The following SSUH2 variants were observed in gnomAD, a reference collection of about 807,000 sequenced individuals.
The protein encoded by SSUH2 is ssu-2 homolog.
In SSUH2, 47 loss-of-function variants were observed where a neutral mutation model predicts 55.3. The observed-to-expected ratio is 0.85, with a 90% confidence interval of 0.67 to 1.08. The LOEUF is 1.08. SSUH2 is among the 50% of genes least tolerant of loss of function. The pLI, the probability that SSUH2 is intolerant of heterozygous loss-of-function variation, is 0.00. For missense variants in SSUH2, 535 were observed against 490.7 expected, an observed-to-expected ratio of 1.09 and a Z score of -0.85; for synonymous variants, 212 against 191.5, an observed-to-expected ratio of 1.11 and a Z score of -0.89.
chr3:8,654,342 A>G (rs1314113335), intron 7 of SSUH2, among the ~76,000 whole-genome samples: 1 of 152,238 alleles, frequency 6.6e-6, no homozygotes, highest in Non-Finnish European at 1.5e-5. Context: ...ATTTTCAACA[A>G]AAGAATCTGG....
At chr3:8,663,675 AATTG>A (rs1378243389) in intron 6 of SSUH2, 6 of 381,888 alleles carry the variant, frequency 1.6e-5, no homozygotes, top group African/African-American at 4.2e-5. Context: ...GGAATGTGTT[AATTG>A]ATTAACTAAC....
chr3:8,626,100 C>G (rs1407247681), intron 9 of SSUH2, 129 bp downstream of exon 9: 22 of 738,202 alleles, frequency 3.0e-5, no homozygotes, highest in Non-Finnish European at 5.3e-5. Flanking sequence ...AATTCTCCCC[C>G]TTCTAAGTCC....
intron 7 of SSUH2, among the ~76,000 whole-genome samples, chr3:8,650,794 A>G (rs568565787): frequency 1.4e-3 from 212 of 152,210 alleles, no homozygotes; most frequent in Middle Eastern, 0.014. Context: ...CGTGGCCTTG[A>G]CTCTGGAAGA....
intron 8 of SSUH2, 42 bp downstream of exon 8, chr3:8,627,656 A>C: frequency 6.8e-7 from 1 of 1,467,982 alleles, no homozygotes; most frequent in Non-Finnish European, 9.1e-7. Flanking sequence ...AAAAGCCAGA[A>C]AGCAAGAGCA....
At chr3:8,626,107 G>C (rs1697469780) in intron 9 of SSUH2, 122 bp downstream of exon 9, 7 of 758,200 alleles carry the variant, frequency 9.2e-6, no homozygotes, top group Non-Finnish European at 1.4e-5. Context: ...CCCCTTCTAA[G>C]TCCTGGCAGG....
At chr3:8,652,573 T>G (rs545873472) in intron 7 of SSUH2, among the ~76,000 whole-genome samples, 111 of 152,306 alleles carry the variant, frequency 7.3e-4, no homozygotes, top group African/African-American at 2.6e-3. Context: ...TGATTAAGTG[T>G]CTTGCTTCAA....
At chr3:8,638,741 G>A (rs922025662) in intron 1 of SSUH2, among the ~76,000 whole-genome samples, 2 of 152,166 alleles carry the variant, frequency 1.3e-5, no homozygotes, top group Non-Finnish European at 2.9e-5. Flanking sequence ...AGAAGGGTGG[G>A]TCTTCCCCTT....
At chr3:8,647,146 G>C (rs1265387947), upstream of SSUH2, among the ~76,000 whole-genome samples, 2 of 152,202 alleles carry the variant, frequency 1.3e-5, no homozygotes, top group Non-Finnish European at 1.5e-5. Context: ...CACGTGGTCA[G>C]ACTGCAATTG....
chr3:8,670,541 G>T (rs164954), intron 5 of SSUH2, among the ~76,000 whole-genome samples: 1 of 151,632 alleles, frequency 6.6e-6, no homozygotes, highest in Admixed American at 6.6e-5. Flanking sequence ...CGTTGAATAC[G>T]TATGTCATAC....
intron 2 of SSUH2, among the ~76,000 whole-genome samples, chr3:8,678,322 G>C (rs538009195): frequency 6.6e-6 from 1 of 152,014 alleles, no homozygotes; most frequent in African/African-American, 2.4e-5. Context: ...TGTACACCTC[G>C]TGCTCTATTA....
intron 2 of SSUH2, among the ~76,000 whole-genome samples, chr3:8,678,479 C>A (rs1463869476): frequency 6.7e-6 from 1 of 148,734 alleles, no homozygotes; most frequent in Non-Finnish European, 1.5e-5. Context: ...TCTTAGGACC[C>A]CCATTGCAAG....
At chr3:8,671,904 C>G (rs1476922811) in exon 4 of SSUH2, 2 of 146,980 alleles carry the variant, frequency 1.4e-5, no homozygotes, top group Non-Finnish European at 2.9e-5. Context: ...CTGGATATTA[C>G]AATCCACGGT....
chr3:8,648,732 G>A (rs1702027793), upstream of SSUH2, among the ~76,000 whole-genome samples: 1 of 152,118 alleles, frequency 6.6e-6, no homozygotes, highest in Non-Finnish European at 1.5e-5. Context: ...CCTCTTGGAA[G>A]GCTCCCAAAA....
intron 5 of SSUH2, among the ~76,000 whole-genome samples, chr3:8,666,687 G>A (rs377267843): frequency 6.6e-6 from 1 of 152,194 alleles, no homozygotes; most frequent in Non-Finnish European, 1.5e-5. Flanking sequence ...CTAGCTGGAT[G>A]TCCTCCAATT....
chr3:8,639,551 G>A (rs1453261057), intron 1 of SSUH2, among the ~76,000 whole-genome samples: 1 of 152,206 alleles, frequency 6.6e-6, no homozygotes, highest in Admixed American at 6.5e-5. Flanking sequence ...TTTGCAAAGA[G>A]AGTCGCCAAG....
At chr3:8,679,824 G>A (rs1392187444) in exon 2 of SSUH2, 1 of 152,710 alleles carries the variant, frequency 6.5e-6, no homozygotes, top group African/African-American at 2.4e-5. Context: ...CAGAAAGAAA[G>A]CAGGTCATTT....
chr3:8,635,731 C>T (rs1446811063), intron 2 of SSUH2, 28 bp downstream of exon 2: 1 of 1,525,374 alleles, frequency 6.6e-7, no homozygotes. Context: ...GGTAGAAGCC[C>T]AAAGAACCAA....
chr3:8,677,322 A>C (rs565231528), exon 3 of SSUH2: 2 of 151,412 alleles, frequency 1.3e-5, no homozygotes, highest in African/African-American at 2.4e-5. Context: ...CGGGATCAGA[A>C]AGAAAGCAGG....
intron 2 of SSUH2, among the ~76,000 whole-genome samples, chr3:8,678,319 C>A (rs915680367): frequency 2.2e-4 from 33 of 152,006 alleles, no homozygotes; most frequent in Admixed American, 1.2e-3. Flanking sequence ...GGGTGTACAC[C>A]TCGTGCTCTA....
Sources: gnomAD v4.1 joint callset for allele counts (sites outside exome capture counted in the v4.1 genomes callset) on GRCh38, gnomAD v4.1.1 for gene constraint, MANE v1.5 for transcripts, NCBI Gene and HGNC (gene_info 2026-07-23, HGNC 2026-07-21) for gene names.